ADAM22: variants seen among roughly 807,000 people sequenced by gnomAD.
The protein encoded by ADAM22 is disintegrin and metalloproteinase domain-containing protein 22.
ADAM22 carries 65 observed loss-of-function variants against 144.6 expected under a neutral mutation model. That is an observed-to-expected ratio of 0.45 (90% CI 0.37 to 0.55). The LOEUF (loss-of-function observed/expected upper bound fraction) is 0.55, where lower values mean the gene tolerates loss of function less well. ADAM22 is among the 20% of genes least tolerant of loss of function. The probability of loss-of-function intolerance (pLI) is 0.00; values close to 1 mark genes in which losing one functional copy is unlikely to be tolerated. For missense variants in ADAM22, 974 were observed against 1,184.9 expected (o/e 0.82, Z 2.61); for synonymous variants, 391 against 412.6 (o/e 0.95, Z 0.63).
intron 2 of ADAM22, among the ~76,000 whole-genome samples, chr7:87,966,731 T>TTTTTG (rs1849184375): frequency 7.8e-6 from 1 of 128,452 alleles, no homozygotes. Flanking sequence ...GTTTTTTTTT[T>TTTTTG]TTTTTTTTTT....
rs138803989 is a variant in ADAM22 at position 88,047,608 on chromosome 7, T to C, written c.324-28018T>C. ...GCATGTTTTGGATTTTTTTGTCTTT[T>C]ATTAAAAAATGATTTTTTGTTATGT... On this transcript the variant is annotated intron_variant, in intron 3 of 31. Transcript: ENST00000413139. 3.3e-5 allele frequency among the ~76,000 whole-genome samples: 5 copies of C among 152,350 alleles called. No individual in the cohort carries two copies. The East Asian group carries it at 9.6e-4, about 29-fold the overall frequency.
rs148178963 is a variant in ADAM22 at position 88,102,681 on chromosome 7, G to A, written c.391-5495G>A. On this transcript the variant is annotated intron_variant, in intron 4 of 31. Coordinates refer to ENST00000413139, the MANE Select transcript of ADAM22 (RefSeq NM_001324418.2). The stretch of plus-strand genomic sequence containing the variant: ...CAGAGCTGCCTGCACAAACTCTCTG[G>A]GCAAGAGACAGTATCTGCATTATAA... Among the ~76,000 whole-genome samples, 392 of 152,176 alleles carry A rather than the reference G, an allele frequency of 2.6e-3. 2 individuals are homozygous for A. The highest frequency in any genetic ancestry group is 8.9e-3 in the African/African-American group (369 of 41,516).
intron 2 of ADAM22, among the ~76,000 whole-genome samples, chr7:87,969,355 C>A (rs1849895087): frequency 6.6e-6 from 1 of 152,186 alleles, no homozygotes; most frequent in South Asian, 2.1e-4. Flanking sequence ...AGCACCAATG[C>A]ATTCCTCGGT....
chr7:87,952,611 G>T (rs1361960459), intron 2 of ADAM22, among the ~76,000 whole-genome samples: 24 of 151,722 alleles, frequency 1.6e-4, no homozygotes, highest in Non-Finnish European at 4.4e-5. Context: ...CTCTTTTTTG[G>T]TTGTGTCTCT....
intron 17 of ADAM22, among the ~76,000 whole-genome samples, chr7:88,145,898 T>C (rs1308466350): frequency 2.6e-5 from 4 of 152,216 alleles, no homozygotes; most frequent in Non-Finnish European, 5.9e-5. Context: ...CCAAGGAGAC[T>C]TTCAGTAGAT....
chr7:88,145,482 A>G lies in ADAM22; in HGVS notation c.1460A>G (p.Asp487Gly), dbSNP rs1189792124. Residue 487 changes from aspartate (D) to glycine (G), a missense_variant, in exon 17 of 32, where the codon GAC becomes GGC. Physicochemically the swap from Asp to Gly is moderately conservative, Grantham distance 94. Coordinates refer to ENST00000413139, the MANE Select transcript of ADAM22 (RefSeq NM_001324418.2). The stretch of plus-strand genomic sequence containing the variant: ...TTGACTCAAGACTCTCAATGCAGTG[A>G]CGGTCTTTGCTGTAAAAAGTGCAAG... The part of the protein sequence containing the change: ...CTLTQDSQCS[D>G]GLCCKKCKFQ... 1.2e-6 allele frequency: 2 copies of G among 1,613,672 alleles called. No homozygotes were observed. The highest frequency in any genetic ancestry group is 4.5e-5 in the East Asian group (2 of 44,864).
intron 2 of ADAM22, among the ~76,000 whole-genome samples, chr7:87,948,124 T>C (rs939178405): frequency 6.6e-6 from 1 of 152,200 alleles, no homozygotes; most frequent in African/African-American, 2.4e-5. Flanking sequence ...CCTGTGTACA[T>C]AGCTTTGCTC....
intron 3 of ADAM22, among the ~76,000 whole-genome samples, chr7:87,983,170 C>T (rs1854129884): frequency 6.6e-6 from 1 of 151,746 alleles, no homozygotes; most frequent in Non-Finnish European, 1.5e-5. Flanking sequence ...ATATTTTTGC[C>T]TCTTTTAAAA....
chr7:88,196,477 G>A lies in ADAM22; in HGVS notation c.2881G>A (p.Glu961Lys). The A allele has an allele frequency of 6.2e-7, 1 of 1,614,092 alleles. No homozygotes were observed. Among genetic ancestry groups the A allele is most frequent in the Non-Finnish European group, 8.5e-7 (1 of 1,180,010 alleles). ...KVNRQSARLW[E>K]TSI ...GCTCTTTTCTGTTGTGCAGCTATGGGAGACATCCATTTAAGATCAACTGTT... is the reference window on the plus strand; with the variant it reads ...GCTCTTTTCTGTTGTGCAGCTATGGAAGACATCCATTTAAGATCAACTGTT... The change falls in exon 32 of 32, where the codon GAG (glutamate) becomes AAG (lysine). Residue 961 changes from glutamate to lysine, a missense_variant. Transcript: ENST00000413139.
intron 3 of ADAM22, among the ~76,000 whole-genome samples, chr7:88,037,612 A>T (rs1036395678): frequency 1.3e-5 from 2 of 148,326 alleles, no homozygotes; most frequent in African/African-American, 2.5e-5. Context: ...TTTTATTTTT[A>T]TTTTTTTTTG....
At chr7:88,008,282 A>G (rs1238466562) in intron 3 of ADAM22, among the ~76,000 whole-genome samples, 1 of 151,282 alleles carries the variant, frequency 6.6e-6, no homozygotes, top group Non-Finnish European at 1.5e-5. Flanking sequence ...AGAAATAAGA[A>G]CACTTTTACA....
At chr7:88,162,267 A>T (rs1841912020) in intron 22 of ADAM22, among the ~76,000 whole-genome samples, 1 of 152,024 alleles carries the variant, frequency 6.6e-6, no homozygotes, top group Non-Finnish European at 1.5e-5. Flanking sequence ...CTCACTTATA[A>T]GTGGGAGCTA....
At chr7:88,067,551 C>T (rs1387033220) in intron 3 of ADAM22, among the ~76,000 whole-genome samples, 1 of 152,064 alleles carries the variant, frequency 6.6e-6, no homozygotes, top group East Asian at 1.9e-4. Flanking sequence ...GTCTTGGTAA[C>T]TTTTCTTTAT....
At chr7:88,057,590 A>C (rs180883602) in intron 3 of ADAM22, among the ~76,000 whole-genome samples, 47 of 152,372 alleles carry the variant, frequency 3.1e-4, no homozygotes, top group African/African-American at 1.1e-3. Context: ...TATAATAAGG[A>C]AAAAAGCCCA....
chr7:88,050,498 AAAAG>A (rs1255450956), intron 3 of ADAM22, among the ~76,000 whole-genome samples: 3 of 151,514 alleles, frequency 2.0e-5, no homozygotes, highest in African/African-American at 4.8e-5. Context: ...AAAAAAAAAA[AAAAG>A]AAAGAAATTA....
chr7:87,993,935 T>C (rs1688899), intron 3 of ADAM22, among the ~76,000 whole-genome samples: 90,446 of 152,020 alleles, frequency 0.59, 27,958 homozygotes, highest in African/African-American at 0.77. Context: ...CATATTTACA[T>C]GACTTCTCAG....
intron 3 of ADAM22, among the ~76,000 whole-genome samples, chr7:88,046,073 T>C (rs1421996434): frequency 6.6e-6 from 1 of 152,198 alleles, no homozygotes; most frequent in Non-Finnish European, 1.5e-5. Flanking sequence ...TTTCTTTGGA[T>C]GCATACCCAG....
At chr7:88,019,704 G>A (rs1284844868) in intron 3 of ADAM22, among the ~76,000 whole-genome samples, 1 of 151,650 alleles carries the variant, frequency 6.6e-6, no homozygotes, top group South Asian at 2.1e-4. Context: ...ACAAAAATTA[G>A]CTGGGGGTTG....
intron 19 of ADAM22, 44 bp downstream of exon 19, chr7:88,151,075 A>G (rs201424392): frequency 3.2e-6 from 5 of 1,581,648 alleles, no homozygotes; most frequent in East Asian, 2.2e-5. Context: ...ATGTACCAGC[A>G]TGAAAGGAAT....
Sources: gnomAD v4.1 joint callset for allele counts (sites outside exome capture counted in the v4.1 genomes callset) on GRCh38, gnomAD v4.1.1 for gene constraint, MANE v1.5 for transcripts, NCBI Gene and HGNC (gene_info 2026-07-23, HGNC 2026-07-21) for gene names.